The following BTG4 variants were observed in gnomAD, a reference collection of about 807,000 sequenced individuals.
The protein encoded by BTG4 is protein BTG4.
In BTG4, 10 loss-of-function variants were observed where a neutral mutation model predicts 19.3. The ratio of observed to expected loss-of-function variants is 0.52; its 90% CI spans 0.32 to 0.88. The LOEUF (loss-of-function observed/expected upper bound fraction) is 0.88. BTG4 is among the 40% of genes least tolerant of loss of function. The probability of loss-of-function intolerance (pLI) is 0.04; values close to 1 mark genes in which losing one functional copy is unlikely to be tolerated. For synonymous variants in BTG4, 91 were observed against 95.7 expected, an observed-to-expected ratio of 0.95 and a Z score of 0.29; for missense variants, 238 against 281.9, an observed-to-expected ratio of 0.84 and a Z score of 1.11.
the BTG4 span, among the ~76,000 whole-genome samples, chr11:111,446,556 G>C: frequency 6.6e-6 from 1 of 151,840 alleles, no homozygotes; most frequent in Non-Finnish European, 1.5e-5. Context: ...TTTTGGAATT[G>C]TTGCAAAACA....
chr11:111,498,346 A>G (rs1412389818), intron 2 of BTG4, among the ~76,000 whole-genome samples: 1 of 152,214 alleles, frequency 6.6e-6, no homozygotes, highest in Non-Finnish European at 1.5e-5. Flanking sequence ...ACTAAGTCAC[A>G]AAATTAGTTA....
chr11:111,488,592 A>T (rs567679942), intron 5 of BTG4, among the ~76,000 whole-genome samples: 4 of 152,348 alleles, frequency 2.6e-5, no homozygotes, highest in African/African-American at 9.6e-5. Flanking sequence ...AAAAATGGAC[A>T]AATGAGATCA....
the BTG4 span, among the ~76,000 whole-genome samples, chr11:111,429,713 G>C: frequency 6.6e-6 from 1 of 152,144 alleles, no homozygotes; most frequent in Non-Finnish European, 1.5e-5. Context: ...ACACAATTAG[G>C]CCAAGAAGTT....
chr11:111,455,722 T>C, the BTG4 span: 2 of 424,918 alleles, frequency 4.7e-6, no homozygotes, highest in Non-Finnish European at 9.7e-6. Context: ...CAAAACGTCC[T>C]TTTCCCACCC....
At chr11:111,467,571 C>A in exon 6 of BTG4, 1 of 694,352 alleles carries the variant, frequency 1.4e-6, no homozygotes. Context: ...CAGAAATCAC[C>A]CTGAAGATTT....
At chr11:111,413,750 C>T in the BTG4 span, among the ~76,000 whole-genome samples, 2 of 152,190 alleles carry the variant, frequency 1.3e-5, no homozygotes, top group African/African-American at 4.8e-5. Context: ...GAGTGTGTTA[C>T]AGCAAGCAAT....
At chr11:111,386,636 G>A in the BTG4 span, among the ~76,000 whole-genome samples, 1 of 152,190 alleles carries the variant, frequency 6.6e-6, no homozygotes, top group East Asian at 1.9e-4. Flanking sequence ...GCGTTCATGA[G>A]AGTCTCAAGG....
chr11:111,509,911 C>CTTTT (rs1450409427), intron 1 of BTG4, among the ~76,000 whole-genome samples: 5 of 114,724 alleles, frequency 4.4e-5, no homozygotes, highest in Non-Finnish European at 7.4e-5. Context: ...TTTCTTTTTT[C>CTTTT]TTTTTTTTTT....
the BTG4 span, among the ~76,000 whole-genome samples, chr11:111,391,798 T>C: frequency 6.6e-6 from 1 of 152,074 alleles, no homozygotes; most frequent in Non-Finnish European, 1.5e-5. Flanking sequence ...TTGGCAACAG[T>C]GTGAAGATAA....
downstream of BTG4, among the ~76,000 whole-genome samples, chr11:111,490,881 A>C (rs997318325): frequency 3.9e-5 from 6 of 152,242 alleles, no homozygotes; most frequent in African/African-American, 1.4e-4. Context: ...AATTGCACTC[A>C]TATGTTTTTA....
At chr11:111,460,655 G>C in the BTG4 span, among the ~76,000 whole-genome samples, 9 of 152,248 alleles carry the variant, frequency 5.9e-5, no homozygotes, top group East Asian at 1.7e-3. Flanking sequence ...CTCCAGCCTC[G>C]GGGAAAGCAA....
chr11:111,479,053 C>T (rs1056500427), intron 5 of BTG4, among the ~76,000 whole-genome samples: 2 of 152,036 alleles, frequency 1.3e-5, no homozygotes, highest in African/African-American at 2.4e-5. Context: ...AAGAACTCCA[C>T]ACCACCACAT....
the BTG4 span, among the ~76,000 whole-genome samples, chr11:111,402,077 T>C: frequency 6.6e-6 from 1 of 152,208 alleles, no homozygotes; most frequent in Non-Finnish European, 1.5e-5. Context: ...AGGGACCTGA[T>C]GGGAAGTAAT....
the BTG4 span, chr11:111,453,648 T>C: frequency 2.6e-6 from 1 of 387,632 alleles, no homozygotes; most frequent in Non-Finnish European, 5.2e-6. Flanking sequence ...CTCCTGCTTC[T>C]TTTTTCCATC....
chr11:111,404,333 A>AGAT, the BTG4 span, among the ~76,000 whole-genome samples: 1 of 152,252 alleles, frequency 6.6e-6, no homozygotes, highest in Admixed American at 6.5e-5. Context: ...TCCATTTTAT[A>AGAT]GATGAAGAAA....
chr11:111,482,066 A>T (rs1453015721), intron 5 of BTG4, among the ~76,000 whole-genome samples: 2 of 150,682 alleles, frequency 1.3e-5, no homozygotes, highest in Non-Finnish European at 3.0e-5. Context: ...CAATACAGAA[A>T]ATCCCAAGCA....
intron 1 of BTG4, among the ~76,000 whole-genome samples, chr11:111,505,948 G>A (rs1388403809): frequency 2.0e-5 from 3 of 152,020 alleles, no homozygotes; most frequent in Non-Finnish European, 4.4e-5. Context: ...CAGTCAGAAT[G>A]GCTTTTATTA....
chr11:111,460,472 C>T, the BTG4 span: 1 of 152,358 alleles, frequency 6.6e-6, no homozygotes, highest in East Asian at 1.9e-4. Flanking sequence ...CATTGAGATA[C>T]AAGGACAACT....
downstream of BTG4, among the ~76,000 whole-genome samples, chr11:111,467,042 T>C (rs1288405557): frequency 6.6e-6 from 1 of 152,254 alleles, no homozygotes; most frequent in Non-Finnish European, 1.5e-5. Context: ...AGGGGATTTA[T>C]GGGAGTTATT....
Sources: gnomAD v4.1 joint callset for allele counts (sites outside exome capture counted in the v4.1 genomes callset) on GRCh38, gnomAD v4.1.1 for gene constraint, MANE v1.5 for transcripts, NCBI Gene and HGNC (gene_info 2026-07-23, HGNC 2026-07-21) for gene names.